COL25A1: variants seen among roughly 807,000 people sequenced by gnomAD.
COL25A1 encodes collagen alpha-1(XXV) chain.
A neutral mutation model predicts 128.4 loss-of-function variants in COL25A1; 103 were observed. That is an observed-to-expected ratio of 0.80 (90% CI 0.68 to 0.94). The LOEUF is 0.94. Among genes scored for constraint, COL25A1 ranks in the 40% least tolerant of loss-of-function variants. The pLI is 0.00. For missense variants in COL25A1, 745 were observed against 840.0 expected (o/e 0.89, Z 1.40); for synonymous variants, 279 against 277.2 (o/e 1.01, Z -0.06).
intron 3 of COL25A1, among the ~76,000 whole-genome samples, chr4:109,196,551 A>C (rs576666151): frequency 1.3e-5 from 2 of 152,316 alleles, no homozygotes; most frequent in Non-Finnish European, 2.9e-5. Flanking sequence ...AGAATTCCAT[A>C]CAACAATCTG....
rs202121124 is a variant in COL25A1 at position 109,050,157 on chromosome 4, C to T, written c.390G>A (p.Lys130=). 2.3e-4 allele frequency: 371 copies of T among 1,608,934 alleles called. 2 individuals carry two copies. Among genetic ancestry groups the T allele is most frequent in the South Asian group, 2.1e-3 (192 of 90,332 alleles). ...TACCAGATTCTCCTCTTCGGCCTCT[C>T]TTACCTCGTTTCCCTGGAGGGCCTG... The part of the protein sequence containing the change: ...CPAGPPGKRG[K]RGRRGESGPP... Residue 130 remains lysine, a synonymous_variant, in exon 4 of 38, where the codon AAG becomes AAA. Coordinates refer to ENST00000399132, the MANE Select transcript of COL25A1 (RefSeq NM_198721.4).
chr4:108,819,037 GAAC>G (rs1731514298), intron 36 of COL25A1, among the ~76,000 whole-genome samples: 1 of 152,142 alleles, frequency 6.6e-6, no homozygotes, highest in African/African-American at 2.4e-5. Flanking sequence ...TCAGTTGTGA[GAAC>G]AACATCAGGA....
At chr4:108,847,909 A>C (rs1171269967) in intron 27 of COL25A1, among the ~76,000 whole-genome samples, 1 of 152,202 alleles carries the variant, frequency 6.6e-6, no homozygotes, top group African/African-American at 2.4e-5. Flanking sequence ...TTGATTTCTT[A>C]TGATTTTCCT....
chr4:108,819,200 G>T, intron 36 of COL25A1, 52 bp downstream of exon 36: 1 of 1,359,464 alleles, frequency 7.4e-7, no homozygotes, highest in Non-Finnish European at 1.0e-6. Context: ...AGATGAACAT[G>T]TGATAAACAA....
chr4:109,199,771 T>C (rs1253095062), intron 3 of COL25A1, among the ~76,000 whole-genome samples: 1 of 152,120 alleles, frequency 6.6e-6, no homozygotes, highest in Admixed American at 6.5e-5. Flanking sequence ...CGAAGTCACT[T>C]GGGATTGGAA....
At chr4:108,889,306 T>G (rs1741193400) in intron 17 of COL25A1, 50 bp from the exon 18 acceptor site, 2 of 1,587,466 alleles carry the variant, frequency 1.3e-6, no homozygotes, top group African/African-American at 2.7e-5. Context: ...AAGAATTTTC[T>G]AAAACACTTA....
At chr4:108,872,537 T>C (rs1260315497) in intron 19 of COL25A1, among the ~76,000 whole-genome samples, 3 of 152,196 alleles carry the variant, frequency 2.0e-5, no homozygotes, top group Non-Finnish European at 4.4e-5. Flanking sequence ...TCAACAATTA[T>C]CTGAATAGGC....
chr4:109,199,109 T>A (rs922175551), intron 3 of COL25A1, among the ~76,000 whole-genome samples: 23 of 152,200 alleles, frequency 1.5e-4, no homozygotes, highest in Non-Finnish European at 2.6e-4. Flanking sequence ...ACATTTTTTT[T>A]ATAAGAATTA....
intron 8 of COL25A1, among the ~76,000 whole-genome samples, chr4:108,967,969 G>C (rs1229928866): frequency 6.6e-6 from 1 of 152,106 alleles, no homozygotes; most frequent in Admixed American, 6.6e-5. Flanking sequence ...CGTGGTGACC[G>C]ACAGCACAGA....
At chr4:108,898,942 CTAAT>C (rs1742475482) in intron 15 of COL25A1, among the ~76,000 whole-genome samples, 1 of 152,044 alleles carries the variant, frequency 6.6e-6, no homozygotes, top group Admixed American at 6.6e-5. Flanking sequence ...CCTCCTTCCA[CTAAT>C]TAACAGTTTG....
At chr4:109,058,171 C>T (rs1294371451) in intron 3 of COL25A1, among the ~76,000 whole-genome samples, 1 of 152,176 alleles carries the variant, frequency 6.6e-6, no homozygotes, top group Non-Finnish European at 1.5e-5. Context: ...TCTGATGTGG[C>T]ACAGTTGTTA....
At chr4:108,857,070 A>G (rs1419913673) in intron 24 of COL25A1, among the ~76,000 whole-genome samples, 1 of 152,124 alleles carries the variant, frequency 6.6e-6, no homozygotes, top group Admixed American at 6.6e-5. Flanking sequence ...CAGTTCATGC[A>G]AAGAATGCTT....
At chr4:109,010,240 G>T in intron 6 of COL25A1, 118 bp downstream of exon 6, 1 of 793,364 alleles carries the variant, frequency 1.3e-6, no homozygotes, top group Non-Finnish European at 2.0e-6. Flanking sequence ...GGTCTACTGT[G>T]TGGTGTTGTG....
At chr4:109,259,887 T>A (rs1324538951) in intron 3 of COL25A1, among the ~76,000 whole-genome samples, 1 of 152,184 alleles carries the variant, frequency 6.6e-6, no homozygotes, top group Non-Finnish European at 1.5e-5. Context: ...GGAAAAGACA[T>A]AAGCAACGTA....
At chr4:108,911,024 C>T (rs991230243) in intron 13 of COL25A1, among the ~76,000 whole-genome samples, 6 of 152,062 alleles carry the variant, frequency 3.9e-5, no homozygotes, top group African/African-American at 9.7e-5. Context: ...AGATTTCACC[C>T]GTTATGGTTT....
intron 3 of COL25A1, among the ~76,000 whole-genome samples, chr4:109,082,037 C>T (rs1416103011): frequency 2.0e-5 from 3 of 152,152 alleles, no homozygotes. Flanking sequence ...ACAGATTTGT[C>T]TTTTCTGTAC....
chr4:108,898,999 CTA>C (rs1742498198), intron 15 of COL25A1, among the ~76,000 whole-genome samples, 153 bp downstream of exon 15: 1 of 151,872 alleles, frequency 6.6e-6, no homozygotes, highest in Non-Finnish European at 1.5e-5. Flanking sequence ...ATCTATATAT[CTA>C]TATATCTATA....
At chr4:109,093,950 T>C (rs185893118) in intron 3 of COL25A1, among the ~76,000 whole-genome samples, 8 of 152,112 alleles carry the variant, frequency 5.3e-5, no homozygotes, top group Admixed American at 1.3e-4. Context: ...TTGGAAAATA[T>C]CCATACCAAA....
chr4:108,870,991 C>T (rs1738640796), intron 19 of COL25A1, among the ~76,000 whole-genome samples: 1 of 151,980 alleles, frequency 6.6e-6, no homozygotes, highest in African/African-American at 2.4e-5. Flanking sequence ...GTTGCAAAAA[C>T]ATATTTCTTA....
Sources: allele counts gnomAD v4.1 joint callset (sites outside exome capture counted in the v4.1 genomes callset), GRCh38; gene constraint gnomAD v4.1.1; transcripts MANE v1.5; gene names NCBI Gene and HGNC (gene_info 2026-07-23, HGNC 2026-07-21).